The following CDH6 variants were observed in gnomAD, a reference collection of about 807,000 sequenced individuals.
CDH6 encodes the protein cadherin 6.
CDH6 carries 31 observed loss-of-function variants against 78.0 expected under a neutral mutation model. That is an observed-to-expected ratio of 0.40 (90% CI 0.30 to 0.54). The LOEUF is 0.54. Ranked by LOEUF, CDH6 falls within the 20% of genes least tolerant of loss-of-function variation. The pLI is 0.56. For missense variants in CDH6, 724 were observed against 975.9 expected, an observed-to-expected ratio of 0.74 and a Z score of 3.44; for synonymous variants, 376 against 368.8, an observed-to-expected ratio of 1.02 and a Z score of -0.23.
At chr5:31,247,181 G>T (rs1322510626) in intron 1 of CDH6, among the ~76,000 whole-genome samples, 1 of 152,134 alleles carries the variant, frequency 6.6e-6, no homozygotes, top group East Asian at 1.9e-4. Context: ...CGATGATCAA[G>T]AGTTATCAAT....
rs1214771732 is a variant in CDH6 at position 31,316,217 on chromosome 5, A to T, written c.1400A>T (p.Lys467Met). The T allele has an allele frequency of 6.2e-7, 1 of 1,605,728 alleles. No individual in the cohort carries two copies. The highest frequency in any genetic ancestry group is 2.2e-5 in the East Asian group (1 of 44,742). The change falls in exon 9 of 12, where the codon AAG becomes ATG. Residue 467 changes from lysine (K) to methionine (M), a missense_variant. Lys to Met is a moderately conservative substitution (Grantham distance 95, BLOSUM62 -1). Coordinates refer to ENST00000265071, the MANE Select transcript of CDH6 (RefSeq NM_004932.4). ...TVIATEINNPKQSSRVPLYIK... is the reference protein window; with the variant it reads ...TVIATEINNPMQSSRVPLYIK... ...TTTTGGTTTGTGACAGATAATCCAA[A>T]GCAAAGTAGTCGAGTACCTCTATAT... is the stretch of plus-strand genomic sequence containing the variant.
At chr5:31,224,682 T>C (rs1412647622) in intron 1 of CDH6, among the ~76,000 whole-genome samples, 1 of 152,026 alleles carries the variant, frequency 6.6e-6, no homozygotes, top group East Asian at 1.9e-4. Flanking sequence ...GCCTCCCAAG[T>C]AGCTGGGACT....
intron 1 of CDH6, among the ~76,000 whole-genome samples, chr5:31,222,382 T>A (rs1741026483): frequency 6.6e-6 from 1 of 152,202 alleles, no homozygotes; most frequent in African/African-American, 2.4e-5. Flanking sequence ...GATATAAGTA[T>A]GTTAAGTTCC....
chr5:31,213,945 G>C (rs1313870139), intron 1 of CDH6, among the ~76,000 whole-genome samples: 1 of 152,026 alleles, frequency 6.6e-6, no homozygotes, highest in Non-Finnish European at 1.5e-5. Flanking sequence ...TCCCTCCTCT[G>C]CCCATTGGCA....
At chr5:31,254,449 T>G (rs1273679946) in intron 1 of CDH6, among the ~76,000 whole-genome samples, 2 of 152,238 alleles carry the variant, frequency 1.3e-5, no homozygotes, top group African/African-American at 4.8e-5. Flanking sequence ...CTAGTTTTGC[T>G]GTCTCATGTC....
chr5:31,321,933 C>G (rs1738486839), intron 11 of CDH6, among the ~76,000 whole-genome samples: 1 of 152,120 alleles, frequency 6.6e-6, no homozygotes. Context: ...ATGTGTCTCT[C>G]TACAAGTAGC....
chr5:31,296,243 A>T (rs553551595), intron 3 of CDH6, among the ~76,000 whole-genome samples: 1 of 152,156 alleles, frequency 6.6e-6, no homozygotes, highest in Non-Finnish European at 1.5e-5. Context: ...ATAACAAAAA[A>T]CAGCCATTAA....
Position 31,308,872 on chromosome 5 carries a change from G to A in CDH6, c.1253+3445G>A, listed in dbSNP as rs530388880. Among the ~76,000 whole-genome samples, 9 of 152,094 alleles carry A rather than the reference G, an allele frequency of 5.9e-5. 1 individual carries two copies. The South Asian group carries it at 1.9e-3, about 32-fold the overall frequency. ...ATTATTGCTGTATATTATTGTAACA[G>A]CTTACAGAAGCAGCACATCTTAAGC... is the stretch of plus-strand genomic sequence containing the variant. On this transcript the variant is annotated intron_variant, in intron 7 of 11. Coordinates refer to ENST00000265071, the MANE Select transcript of CDH6 (RefSeq NM_004932.4).
intron 7 of CDH6, among the ~76,000 whole-genome samples, chr5:31,306,838 T>A (rs1738005655): frequency 1.3e-5 from 2 of 151,956 alleles, no homozygotes; most frequent in Non-Finnish European, 2.9e-5. Context: ...TAAGGCAGAA[T>A]AAGGAAATAA....
chr5:31,204,635 C>A (rs1028268609), intron 1 of CDH6, among the ~76,000 whole-genome samples: 3 of 152,118 alleles, frequency 2.0e-5, no homozygotes, highest in African/African-American at 4.8e-5. Flanking sequence ...CTCACTAAAC[C>A]AAAATGGATT....
chr5:31,281,630 A>G (rs1007105433), intron 2 of CDH6, among the ~76,000 whole-genome samples: 5 of 152,230 alleles, frequency 3.3e-5, no homozygotes, highest in Non-Finnish European at 7.3e-5. Flanking sequence ...TGGGGAAATA[A>G]CTTTATGCAG....
intron 1 of CDH6, among the ~76,000 whole-genome samples, chr5:31,228,671 A>G (rs1157553390): frequency 6.6e-6 from 1 of 152,116 alleles, no homozygotes; most frequent in Non-Finnish European, 1.5e-5. Context: ...TTAGCTACAT[A>G]CTCATAAGGA....
rs1741617428 is a variant in CDH6, at chr5:31,242,052, T to C, written c.-128-25294T>C. 2.0e-5 allele frequency among the ~76,000 whole-genome samples: 3 copies of C among 152,162 alleles called. No individual in the cohort carries two copies. In the South Asian group the frequency reaches 6.2e-4, roughly 32 times the overall value. ...TCATCCCACAACACAGTGGCATAGT[T>C]TTTCCCTTTTGGCCCAGTAGCCTGC... On this transcript the variant is annotated intron_variant, in intron 1 of 11. Transcript: ENST00000265071.
chr5:31,285,926 C>T (rs1342922311), intron 2 of CDH6, among the ~76,000 whole-genome samples: 1 of 152,130 alleles, frequency 6.6e-6, no homozygotes, highest in African/African-American at 2.4e-5. Flanking sequence ...TCAGATTAGA[C>T]CATGTGTCTA....
intron 1 of CDH6, among the ~76,000 whole-genome samples, chr5:31,208,609 A>T (rs1204537023): frequency 6.6e-6 from 1 of 152,208 alleles, no homozygotes; most frequent in Non-Finnish European, 1.5e-5. Context: ...CATGGTGGAA[A>T]CTGTGGCTGT....
intron 2 of CDH6, among the ~76,000 whole-genome samples, chr5:31,273,547 C>T (rs566131929): frequency 6.6e-6 from 1 of 152,042 alleles, no homozygotes; most frequent in African/African-American, 2.4e-5. Flanking sequence ...GCTAAGACCC[C>T]GACAGACGAT....
intron 1 of CDH6, among the ~76,000 whole-genome samples, chr5:31,240,818 C>A (rs141288170): frequency 2.0e-5 from 3 of 152,138 alleles, no homozygotes; most frequent in Non-Finnish European, 4.4e-5. Flanking sequence ...TTGAACATTA[C>A]GAAATGACTT....
At chr5:31,229,971 C>A (rs189249254) in intron 1 of CDH6, among the ~76,000 whole-genome samples, 167 of 152,302 alleles carry the variant, frequency 1.1e-3, no homozygotes, top group Non-Finnish European at 1.9e-3. Flanking sequence ...TAAATTCTAT[C>A]TTCCATATCC....
intron 2 of CDH6, among the ~76,000 whole-genome samples, chr5:31,290,942 G>T (rs369234440): frequency 2.6e-5 from 4 of 152,262 alleles, no homozygotes; most frequent in Admixed American, 2.0e-4. Flanking sequence ...CTTCTTTAAC[G>T]TCTCCTCTGC....
Sources: allele counts gnomAD v4.1 joint callset (sites outside exome capture counted in the v4.1 genomes callset), GRCh38; gene constraint gnomAD v4.1.1; transcripts MANE v1.5; gene names NCBI Gene and HGNC (gene_info 2026-07-23, HGNC 2026-07-21).